Variants in CADPS2 observed in about 807,000 individuals in gnomAD.
The protein encoded by CADPS2 is calcium dependent secretion activator 2.
CADPS2 carries 93 observed loss-of-function variants against 172.5 expected under a neutral mutation model. The ratio of observed to expected loss-of-function variants is 0.54; its 90% CI spans 0.46 to 0.64. CADPS2 has a LOEUF of 0.64. Ranked by LOEUF, CADPS2 falls within the 30% of genes least tolerant of loss-of-function variation. The pLI, the probability that CADPS2 is intolerant of heterozygous loss-of-function variation, is 0.00. For synonymous variants in CADPS2, 546 were observed against 555.2 expected, an observed-to-expected ratio of 0.98 and a Z score of 0.23; for missense variants, 1,420 against 1,565.9, an observed-to-expected ratio of 0.91 and a Z score of 1.57.
In CADPS2 at chr7:122,349,434, C is replaced by T. The variant is rs1483045860; in HGVS notation, c.3505-3753G>A. On this transcript the variant is annotated intron_variant, in intron 27 of 29. Coordinates refer to ENST00000449022, the MANE Select transcript of CADPS2 (RefSeq NM_017954.11). ...CTTAGTTCACTACACACTAACTCTT[C>T]CATCTTGTTTATTAAGATGGTAATC... Among the ~76,000 whole-genome samples, 9 of 152,212 alleles carry T rather than the reference C, an allele frequency of 5.9e-5. No individual in the cohort carries two copies. In the South Asian group the frequency reaches 1.7e-3, roughly 28 times the overall value.
chr7:122,858,549 A>G (rs970670781), intron 1 of CADPS2, among the ~76,000 whole-genome samples: 2 of 152,212 alleles, frequency 1.3e-5, no homozygotes, highest in African/African-American at 4.8e-5. Flanking sequence ...GATAAGCTCC[A>G]GCTTCTAAGA....
At chr7:122,403,135 A>T (rs2046172494) in intron 20 of CADPS2, among the ~76,000 whole-genome samples, 1 of 152,232 alleles carries the variant, frequency 6.6e-6, no homozygotes, top group South Asian at 2.1e-4. Context: ...ACACACAATT[A>T]TTAACAATGG....
intron 1 of CADPS2, among the ~76,000 whole-genome samples, chr7:122,880,359 C>G (rs150846857): frequency 8.5e-4 from 129 of 152,284 alleles, no homozygotes; most frequent in African/African-American, 3.1e-3. Flanking sequence ...ACCTAGACAC[C>G]TTTTATAAGT....
intron 17 of CADPS2, among the ~76,000 whole-genome samples, chr7:122,432,896 AC>A (rs2050141375): frequency 6.6e-6 from 1 of 151,770 alleles, no homozygotes; most frequent in Non-Finnish European, 1.5e-5. Context: ...TAAAAGCATC[AC>A]CCCACCAAGA....
chr7:122,668,095 T>C (rs2081367540), intron 2 of CADPS2, among the ~76,000 whole-genome samples: 1 of 152,072 alleles, frequency 6.6e-6, no homozygotes, highest in South Asian at 2.1e-4. Context: ...AGTTATCACA[T>C]GAACACAACA....
chr7:122,553,429 A>G (rs1284474951), intron 8 of CADPS2, among the ~76,000 whole-genome samples: 1 of 152,176 alleles, frequency 6.6e-6, no homozygotes, highest in Non-Finnish European at 1.5e-5. Context: ...TTAAAGATGC[A>G]TAATGTTGTT....
intron 20 of CADPS2, among the ~76,000 whole-genome samples, chr7:122,399,876 C>A (rs983671507): frequency 6.7e-6 from 1 of 148,646 alleles, no homozygotes; most frequent in East Asian, 2.1e-4. Flanking sequence ...TTAGTAGAGA[C>A]GGGGTTTCAC....
At position 122,758,124 on chromosome 7, in the gene CADPS2, T is replaced by C. The variant is rs141060022; in HGVS notation, c.340-21056A>G. ...TAATAACCTCCTTATAATTTTTAGA[T>C]ACTATCTTGATAAAATGTTGGTTAT... On this transcript the variant is annotated intron_variant, in intron 1 of 29. Coordinates refer to ENST00000449022, the MANE Select transcript of CADPS2 (RefSeq NM_017954.11). Among the ~76,000 whole-genome samples the C allele has an allele frequency of 9.8e-5, 15 of 152,332 alleles. No homozygotes were observed. In the East Asian group the frequency reaches 2.7e-3, roughly 27 times the overall value.
intron 25 of CADPS2, among the ~76,000 whole-genome samples, chr7:122,365,868 T>C (rs536804589): frequency 1.3e-5 from 2 of 152,316 alleles, no homozygotes; most frequent in South Asian, 2.1e-4. Context: ...GCATATAAGA[T>C]TCATATGGAA....
At chr7:122,674,714 C>A (rs750128251) in intron 2 of CADPS2, among the ~76,000 whole-genome samples, 2 of 152,082 alleles carry the variant, frequency 1.3e-5, no homozygotes, top group African/African-American at 4.8e-5. Context: ...TTTATAATGA[C>A]GAGAAAAACA....
At chr7:122,795,513 A>G (rs1393612851) in intron 1 of CADPS2, among the ~76,000 whole-genome samples, 1 of 152,160 alleles carries the variant, frequency 6.6e-6, no homozygotes, top group Admixed American at 6.5e-5. Flanking sequence ...AAGCTTATCC[A>G]CCATGATCAA....
intron 9 of CADPS2, among the ~76,000 whole-genome samples, chr7:122,512,220 T>C (rs1289638477): frequency 6.6e-6 from 1 of 152,146 alleles, no homozygotes; most frequent in Non-Finnish European, 1.5e-5. Context: ...CAGCAATTGA[T>C]GGATGGCTGT....
At chr7:122,610,920 G>C (rs1043014108) in intron 6 of CADPS2, among the ~76,000 whole-genome samples, 1 of 152,138 alleles carries the variant, frequency 6.6e-6, no homozygotes, top group Non-Finnish European at 1.5e-5. Context: ...GACATGGTAG[G>C]ACCTGGGGCT....
intron 2 of CADPS2, among the ~76,000 whole-genome samples, chr7:122,728,177 T>C (rs2091295495): frequency 6.6e-6 from 1 of 151,850 alleles, no homozygotes. Context: ...ATCAAAATAT[T>C]TAAATGCCAA....
chr7:122,397,252 AACTAC>A (rs1449092407), intron 20 of CADPS2, among the ~76,000 whole-genome samples: 1 of 152,190 alleles, frequency 6.6e-6, no homozygotes, highest in African/African-American at 2.4e-5. Flanking sequence ...ATTTCCTATG[AACTAC>A]AAAAAATCTT....
chr7:122,574,941 G>C (rs2067795501), intron 7 of CADPS2, among the ~76,000 whole-genome samples: 1 of 152,058 alleles, frequency 6.6e-6, no homozygotes, highest in African/African-American at 2.4e-5. Flanking sequence ...TTAACCAAGT[G>C]ATAATACTTA....
chr7:122,373,369 GAAAT>G (rs2041992271), intron 25 of CADPS2, among the ~76,000 whole-genome samples: 1 of 152,104 alleles, frequency 6.6e-6, no homozygotes, highest in African/African-American at 2.4e-5. Context: ...TTGGGGTATG[GAAAT>G]CTGCATTTTA....
chr7:122,643,659 G>C (rs548741150), intron 3 of CADPS2, among the ~76,000 whole-genome samples: 23 of 152,092 alleles, frequency 1.5e-4, no homozygotes, highest in Middle Eastern at 6.8e-3. Flanking sequence ...CCTTGATTAG[G>C]TGAAAATTTC....
chr7:122,471,444 C>T lies in CADPS2; in HGVS notation c.2117G>A (p.Gly706Asp), dbSNP rs765209787. 1 of 1,613,492 alleles carries T rather than the reference C, an allele frequency of 6.2e-7. No individual in the cohort carries two copies. Among genetic ancestry groups the T allele is most frequent in the South Asian group, 1.1e-5 (1 of 91,074 alleles). The stretch of plus-strand genomic sequence containing the variant: ...GAGCAGGGTAGGGTCAATGACAGCA[C>T]CATTTTCTGAATGTTCCATCAGTTC... ...LAELMEHSEN[G>D]AVIDPTLLHY... Residue 706 changes from glycine to aspartate, a missense_variant, in exon 14 of 30, where the codon GGT (glycine) becomes GAT (aspartate). Transcript: ENST00000449022.
Sources: allele counts gnomAD v4.1 joint callset (sites outside exome capture counted in the v4.1 genomes callset), GRCh38; gene constraint gnomAD v4.1.1; transcripts MANE v1.5; gene names NCBI Gene and HGNC (gene_info 2026-07-23, HGNC 2026-07-21).